Variants in KCTD16 observed in about 807,000 individuals in gnomAD.
KCTD16 encodes the protein potassium channel tetramerization domain containing 16.
KCTD16 carries 13 observed loss-of-function variants against 33.2 expected under a neutral mutation model. That is an observed-to-expected ratio of 0.39 (90% CI 0.25 to 0.62). The LOEUF (loss-of-function observed/expected upper bound fraction) is 0.62, where lower values mean the gene tolerates loss of function less well. KCTD16 is among the 20% of genes least tolerant of loss of function. The pLI, the probability that KCTD16 is intolerant of heterozygous loss-of-function variation, is 0.50. For missense variants in KCTD16, 441 were observed against 525.1 expected, an observed-to-expected ratio of 0.84 and a Z score of 1.57; for synonymous variants, 197 against 195.3, an observed-to-expected ratio of 1.01 and a Z score of -0.07.
At position 144,287,722 on chromosome 5, in the gene KCTD16, C is replaced by T. The variant is rs150093673; in HGVS notation, c.832+80176C>T. 2.8e-3 allele frequency among the ~76,000 whole-genome samples: 433 copies of T among 152,128 alleles called. 2 individuals carry two copies. The highest frequency in any genetic ancestry group is 9.3e-3 in the African/African-American group (384 of 41,492). On this transcript the variant is annotated intron_variant, in intron 3 of 3. Coordinates refer to ENST00000512467, the MANE Select transcript of KCTD16 (RefSeq NM_020768.4). The stretch of plus-strand genomic sequence containing the variant: ...CGTAATATCAGCTGACAGCAACCTC[C>T]GTCTCCCGGGTTCAAGTGATTCTCC...
chr5:144,391,047 A>G (rs546775925), intron 3 of KCTD16, among the ~76,000 whole-genome samples: 7 of 151,656 alleles, frequency 4.6e-5, no homozygotes, highest in African/African-American at 1.7e-4. Context: ...TTCCCCCTCC[A>G]TCCTTTCCCA....
At chr5:144,185,947 T>C (rs1752716804) in intron 2 of KCTD16, among the ~76,000 whole-genome samples, 3 of 152,280 alleles carry the variant, frequency 2.0e-5, no homozygotes, top group Admixed American at 6.5e-5. Context: ...GTAAGATACC[T>C]GAGGTGCAAA....
intron 3 of KCTD16, among the ~76,000 whole-genome samples, chr5:144,294,693 A>G (rs558996587): frequency 6.6e-6 from 1 of 152,332 alleles, no homozygotes; most frequent in East Asian, 1.9e-4. Flanking sequence ...CAGTTAGAGC[A>G]TGGGACAGAA....
chr5:144,331,693 G>A (rs868538027), intron 3 of KCTD16, among the ~76,000 whole-genome samples: 1 of 152,164 alleles, frequency 6.6e-6, no homozygotes, highest in Admixed American at 6.5e-5. Context: ...ATGTTATTAA[G>A]AGTCTGAGAG....
At chr5:144,293,687 C>T (rs2126864127) in intron 3 of KCTD16, among the ~76,000 whole-genome samples, 1 of 152,226 alleles carries the variant, frequency 6.6e-6, no homozygotes, top group Middle Eastern at 3.4e-3. Context: ...ATGACAATTT[C>T]AATGATGAAC....
intron 3 of KCTD16, among the ~76,000 whole-genome samples, chr5:144,329,491 T>C (rs1752297796): frequency 1.3e-5 from 2 of 152,136 alleles, no homozygotes; most frequent in East Asian, 1.9e-4. Flanking sequence ...TGACTCTTGT[T>C]TGGAGCCCTT....
intron 3 of KCTD16, among the ~76,000 whole-genome samples, chr5:144,293,873 G>T (rs779590574): frequency 6.6e-6 from 1 of 152,092 alleles, no homozygotes; most frequent in Non-Finnish European, 1.5e-5. Flanking sequence ...AATTAAAACC[G>T]CAGGGGCTGG....
At chr5:144,324,316 G>A (rs1046457390) in intron 3 of KCTD16, among the ~76,000 whole-genome samples, 7 of 152,032 alleles carry the variant, frequency 4.6e-5, no homozygotes, top group African/African-American at 1.7e-4. Flanking sequence ...CAGTCAAATG[G>A]ACTTTTAGAG....
chr5:144,372,894 C>T (rs1242144668), intron 3 of KCTD16, among the ~76,000 whole-genome samples: 1 of 152,180 alleles, frequency 6.6e-6, no homozygotes, highest in African/African-American at 2.4e-5. Flanking sequence ...AGCTTTATTT[C>T]ATTTTTTTGC....
intron 3 of KCTD16, among the ~76,000 whole-genome samples, chr5:144,470,938 T>A (rs897881441): frequency 6.6e-6 from 1 of 152,264 alleles, no homozygotes; most frequent in African/African-American, 2.4e-5. Context: ...CCCAGCACTT[T>A]GGGAGGCCAA....
At chr5:144,371,062 T>C (rs1168773027) in intron 3 of KCTD16, among the ~76,000 whole-genome samples, 1 of 152,088 alleles carries the variant, frequency 6.6e-6, no homozygotes, top group East Asian at 1.9e-4. Flanking sequence ...AGTCTCTGGT[T>C]CTGGCTACTC....
At chr5:144,225,887 A>G (rs1406074033) in intron 3 of KCTD16, among the ~76,000 whole-genome samples, 2 of 152,188 alleles carry the variant, frequency 1.3e-5, no homozygotes, top group African/African-American at 4.8e-5. Context: ...ACAGCTTTCC[A>G]TTACTTTAGA....
In KCTD16 at chr5:144,464,683, C is replaced by G. The variant is rs184471385; in HGVS notation, c.833-8977C>G. 1.7e-3 allele frequency among the ~76,000 whole-genome samples: 245 copies of G among 145,460 alleles called. 1 individual carries two copies. Among genetic ancestry groups the G allele is most frequent in the African/African-American group, 5.8e-3 (228 of 39,576 alleles). ...AGTTCCTCTTCCTCCTCCTCATCCT[C>G]CTCTTACTCCTCTTCTTCCTCCTCC... On this transcript the variant is annotated intron_variant, in intron 3 of 3. Transcript: ENST00000512467.
In KCTD16 at chr5:144,481,288, G is replaced by A. The variant is rs1754699757; in HGVS notation, c.*7174G>A. ...AAATGAAACTAGTAAGGGGGAGAAA[G>A]TGTTTTGAGCAGGCCAATGATTTCA... On this transcript the variant is annotated 3_prime_UTR_variant, in exon 4 of 4. Transcript: ENST00000512467. 6.6e-6 allele frequency: 1 copy of A among 151,976 alleles called. No individual in the cohort carries two copies. Among genetic ancestry groups the A allele is most frequent in the Admixed American group, 6.6e-5 (1 of 15,220 alleles). 9.4% of individuals were successfully genotyped at this position (151,976 alleles called of 1,614,324 possible).
At chr5:144,454,011 T>A (rs1395961200) in intron 3 of KCTD16, among the ~76,000 whole-genome samples, 1 of 152,152 alleles carries the variant, frequency 6.6e-6, no homozygotes. Context: ...AGGGATGGAA[T>A]AAAGGGTGAT....
At chr5:144,212,976 A>G (rs1753445111) in intron 3 of KCTD16, among the ~76,000 whole-genome samples, 1 of 152,136 alleles carries the variant, frequency 6.6e-6, no homozygotes, top group African/African-American at 2.4e-5. Context: ...CCAGACATCA[A>G]TTCATTTCTT....
chr5:144,472,181 G>A (rs712173), intron 3 of KCTD16, among the ~76,000 whole-genome samples: 65,602 of 152,024 alleles, frequency 0.43, 14,366 homozygotes, highest in East Asian at 0.67. Flanking sequence ...AAGGTACTAC[G>A]TTATCCTTGT....
chr5:144,333,539 T>C (rs147730901), intron 3 of KCTD16, among the ~76,000 whole-genome samples: 198 of 152,186 alleles, frequency 1.3e-3, no homozygotes, highest in African/African-American at 4.7e-3. Context: ...AGTTCATTTG[T>C]TTGTGGTCAG....
At chr5:144,252,420 T>C (rs1238695930) in intron 3 of KCTD16, among the ~76,000 whole-genome samples, 1 of 152,196 alleles carries the variant, frequency 6.6e-6, no homozygotes, top group Non-Finnish European at 1.5e-5. Context: ...TTATTAATTT[T>C]CAGTGTGTCA....
Sources: allele counts gnomAD v4.1 joint callset (sites outside exome capture counted in the v4.1 genomes callset), GRCh38; gene constraint gnomAD v4.1.1; transcripts MANE v1.5; gene names NCBI Gene and HGNC (gene_info 2026-07-23, HGNC 2026-07-21).